SH3BP1: variants seen among roughly 807,000 people sequenced by gnomAD.
The protein encoded by SH3BP1 is SH3 domain-binding protein 1.
In SH3BP1, 46 loss-of-function variants were observed where a neutral mutation model predicts 69.8. That is an observed-to-expected ratio of 0.66 (90% CI 0.52 to 0.84). The LOEUF (loss-of-function observed/expected upper bound fraction) is 0.84, where lower values mean the gene tolerates loss of function less well. Ranked by LOEUF, SH3BP1 falls within the 40% of genes least tolerant of loss-of-function variation. SH3BP1 has a pLI of 0.00. For missense variants in SH3BP1, 868 were observed against 930.9 expected (o/e 0.93, Z 0.88); for synonymous variants, 403 against 378.0 (o/e 1.07, Z -0.77).
At chr22:37,655,214 G>T (rs1932985789) in intron 17 of SH3BP1, 58 bp from the exon 18 acceptor site, 1 of 1,299,822 alleles carries the variant, frequency 7.7e-7, no homozygotes, top group South Asian at 1.4e-5. Context: ...GGAGCTTGGT[G>T]GATTCACCAC....
chr22:37,645,188 A>T, intron 9 of SH3BP1, 177 bp from the exon 10 acceptor site: 1 of 943,360 alleles, frequency 1.1e-6, no homozygotes, highest in Non-Finnish European at 1.6e-6. Flanking sequence ...GGTGGCCTGG[A>T]CTAGGACAGA....
chr22:37,648,524 G>A, intron 14 of SH3BP1, 89 bp downstream of exon 14: 1 of 909,892 alleles, frequency 1.1e-6, no homozygotes, highest in South Asian at 1.4e-5. Context: ...GGGCCTTGGT[G>A]TCCCCATTTT....
chr22:37,644,843 G>A lies in SH3BP1; in HGVS notation c.688-27G>A, dbSNP rs201902702. 476 of 1,612,770 alleles carry A rather than the reference G, an allele frequency of 3.0e-4. 1 individual carries two copies. Among genetic ancestry groups the A allele is most frequent in the Non-Finnish European group, 3.8e-4 (453 of 1,178,946 alleles). On this transcript the variant is annotated intron_variant, in intron 8 of 17. Coordinates refer to ENST00000649765, the MANE Select transcript of SH3BP1 (RefSeq NM_018957.6). ...AGAAGGCTCAGCTTCCCCCACTTCC[G>A]CTCAGGGTGTCCCTTCATCCCCACA...
chr22:37,650,648 A>AGCC lies in SH3BP1; in HGVS notation c.1522_1524dup (p.Ala508dup). On this transcript the variant is annotated inframe_insertion, in exon 16 of 18. Transcript: ENST00000649765. ...TTCCGTCCACTGCCGTGCCCACCCC[A>AGCC]GCCACCACCCCGGCTCCGGCTCCGG... 1 of 1,613,796 alleles carries AGCC rather than the reference A, an allele frequency of 6.2e-7. No homozygotes were observed. Among genetic ancestry groups the AGCC allele is most frequent in the Non-Finnish European group, 8.5e-7 (1 of 1,179,880 alleles).
intron 11 of SH3BP1, 39 bp downstream of exon 11, chr22:37,646,968 GGA>G: frequency 1.4e-6 from 2 of 1,384,472 alleles, no homozygotes; most frequent in Non-Finnish European, 1.9e-6. Context: ...AGGTTGGGGG[GGA>G]GGGGGTGCAG....
At chr22:37,643,878 G>A in intron 7 of SH3BP1, 90 bp downstream of exon 7, 1 of 1,532,374 alleles carries the variant, frequency 6.5e-7, no homozygotes, top group Non-Finnish European at 8.9e-7. Flanking sequence ...AGTTCAGAGA[G>A]GTGACATGAC....
Position 37,656,024 on chromosome 22 carries a change from T to A in SH3BP1, c.*340T>A, listed in dbSNP as rs770149342. 1.5e-5 allele frequency: 21 copies of A among 1,420,346 alleles called. No homozygotes were observed. Among genetic ancestry groups the A allele is most frequent in the Non-Finnish European group, 1.9e-5 (20 of 1,067,640 alleles). 88.0% of individuals were successfully genotyped at this position (1,420,346 alleles called of 1,614,324 possible). Reference sequence around the variant, plus strand: ...GTTTTTTGTAAGGCTGGTAAATAAATTATTTTGGACAAAACTGGAGCAGCT... The same window carrying A: ...GTTTTTTGTAAGGCTGGTAAATAAAATATTTTGGACAAAACTGGAGCAGCT... On this transcript the variant is annotated 3_prime_UTR_variant, in exon 18 of 18. Transcript: ENST00000649765.
rs775906210 is a variant in SH3BP1, at chr22:37,643,654, G to A, written c.484G>A (p.Ala162Thr). 1.2e-6 allele frequency: 2 copies of A among 1,614,178 alleles called. No individual in the cohort carries two copies. The highest frequency in any genetic ancestry group is 1.1e-5 in the South Asian group (1 of 91,084). ...TGGGATCATCTCCAGGCTCAGTCAG[G>A]CAACCAAGAATTCAGGCAGCAGTCA... is the stretch of plus-strand genomic sequence containing the variant. ...WNTLKSRLSQ[A>T]TKNSGSSQGL... Residue 162 changes from alanine to threonine, a missense_variant, in exon 7 of 18, where the codon GCA becomes ACA. Physicochemically the swap from Ala to Thr is moderately conservative, Grantham distance 58. Coordinates refer to ENST00000649765, the MANE Select transcript of SH3BP1 (RefSeq NM_018957.6).
chr22:37,654,861 G>A (rs1161693314), intron 17 of SH3BP1, among the ~76,000 whole-genome samples: 1 of 152,174 alleles, frequency 6.6e-6, no homozygotes, highest in African/African-American at 2.4e-5. Context: ...TGTCATCCCA[G>A]CACTTTGAGA....
intron 6 of SH3BP1, 137 bp from the exon 7 acceptor site, chr22:37,643,507 A>G (rs754892023): frequency 1.3e-5 from 16 of 1,255,670 alleles, no homozygotes; most frequent in Non-Finnish European, 1.8e-5. Context: ...CAGCCTGGGC[A>G]GAGGCCCCGG....
intron 6 of SH3BP1, 23 bp from the exon 7 acceptor site, chr22:37,643,621 G>C (rs1932695615): frequency 6.2e-7 from 1 of 1,614,034 alleles, no homozygotes; most frequent in African/African-American, 1.3e-5. Flanking sequence ...CAGGTGACCA[G>C]CTCACCTTGG....
At chr22:37,642,300 C>T (rs1241088483) in intron 3 of SH3BP1, 3 of 534,242 alleles carry the variant, frequency 5.6e-6, no homozygotes, top group Non-Finnish European at 1.0e-5. Context: ...TTGGTCATTC[C>T]TTCCTGCCCA....
At chr22:37,639,873 C>CG in intron 1 of SH3BP1, 27 bp downstream of exon 1, 1 of 1,540,414 alleles carries the variant, frequency 6.5e-7, no homozygotes, top group Non-Finnish European at 8.7e-7. Context: ...TCCAGCCCCA[C>CG]TCTTACCCCG....
rs766674754 is a variant in SH3BP1 at position 37,647,431 on chromosome 22, TC to T, written c.1119-3del. The T allele has an allele frequency of 3.7e-6, 6 of 1,607,826 alleles. No homozygotes were observed. The highest frequency in any genetic ancestry group is 2.2e-5 in the South Asian group (2 of 90,544). Reference sequence around the variant, plus strand: ...TGCGCTGGCTGACAGGTCTCTCCACTCCCCCCCAGCCTGAAGGAGCCAGGGG... The same window carrying T: ...TGCGCTGGCTGACAGGTCTCTCCACTCCCCCCAGCCTGAAGGAGCCAGGGG... On this transcript the variant is annotated splice_polypyrimidine_tract_variant and intron_variant, in intron 12 of 17. Coordinates refer to ENST00000649765, the MANE Select transcript of SH3BP1 (RefSeq NM_018957.6).
intron 1 of SH3BP1, chr22:37,640,646 A>G (rs1206883726): frequency 5.8e-6 from 1 of 173,604 alleles, no homozygotes; most frequent in African/African-American, 2.4e-5. Flanking sequence ...GGCATCCCCC[A>G]TGTGTCCCCA....
rs1302319115 is a variant in SH3BP1, at chr22:37,641,164, T to G, written c.98T>G (p.Leu33Arg). ...ETAEFLGEDL[L>R]QVEQRLEPAK... Reference sequence around the variant, plus strand: ...GCTGAGTTCCTGGGTGAGGACCTGCTGCAGGTACGTGCCTGGGCCGGGCAG... The same window carrying G: ...GCTGAGTTCCTGGGTGAGGACCTGCGGCAGGTACGTGCCTGGGCCGGGCAG... The change falls in exon 2 of 18, where the codon CTG (leucine) becomes CGG (arginine). Residue 33 changes from leucine to arginine, a missense_variant. Leu to Arg is a moderately radical substitution (Grantham distance 102). This residue lies in a region of SH3BP1 where 387 missense variants were observed against 447.9 expected (regional missense o/e 0.86). Coordinates refer to ENST00000649765, the MANE Select transcript of SH3BP1 (RefSeq NM_018957.6). 2.0e-6 allele frequency: 3 copies of G among 1,487,338 alleles called. No homozygotes were observed. In the Admixed American group the frequency reaches 6.1e-5, roughly 30 times the overall value. 92.1% of individuals were successfully genotyped at this position (1,487,338 alleles called of 1,614,324 possible). A position where few individuals can be genotyped will look rare whatever the true frequency, so the allele number is the denominator to read the frequency against.
In SH3BP1 at chr22:37,655,398, G is replaced by A. The variant is rs1377640967; in HGVS notation, c.1820G>A (p.Arg607Gln). 1.1e-5 allele frequency: 12 copies of A among 1,047,690 alleles called. No individual in the cohort carries two copies. The highest frequency in any genetic ancestry group is 8.1e-5 in the African/African-American group (3 of 37,266). The allele number at this position is 1,047,690 out of a possible 1,614,324, so 64.9% of individuals were successfully genotyped here. ...CCTGGGACCCCCCAAGCCCTGCCCC[G>A]ACGTCTGGTTGGCAGCAGCCTCCGA... ...GSPGTPQALP[R>Q]RLVGSSLRAP... Residue 607 changes from arginine to glutamine, a missense_variant, in exon 18 of 18, where the codon CGA becomes CAA. This residue lies in a region of SH3BP1 where 474 missense variants were observed against 462.3 expected (regional missense o/e 1.03). Transcript: ENST00000649765.
At position 37,647,349 on chromosome 22, in the gene SH3BP1, G is replaced by T; in HGVS notation, c.1118+1G>T. ...ATGATGACTGGATGAGGGCAGCCAG[G>T]TGAGGATGTTGGAGGAGGGAGGGGA... On this transcript the variant is annotated splice_donor_variant, in intron 12 of 17. Coordinates refer to ENST00000649765, the MANE Select transcript of SH3BP1 (RefSeq NM_018957.6). LOFTEE classifies it high-confidence loss of function. The T allele has an allele frequency of 5.0e-6, 8 of 1,614,042 alleles. No homozygotes were observed. Among genetic ancestry groups the T allele is most frequent in the Non-Finnish European group, 6.8e-6 (8 of 1,179,956 alleles).
chr22:37,641,032 G>T, intron 1 of SH3BP1, 94 bp from the exon 2 acceptor site: 1 of 867,246 alleles, frequency 1.2e-6, no homozygotes, highest in South Asian at 1.5e-5. Flanking sequence ...CTGGGGTCCA[G>T]GTGCCCTGCT....
Sources: gnomAD v4.1 joint callset for allele counts (sites outside exome capture counted in the v4.1 genomes callset) on GRCh38, gnomAD v4.1.1 for gene constraint, gnomAD v4.1.1 regional missense constraint, MANE v1.5 for transcripts, NCBI Gene and HGNC (gene_info 2026-07-23, HGNC 2026-07-21) for gene names.